The following PRR14L variants were observed in gnomAD, a reference collection of about 807,000 sequenced individuals.
PRR14L encodes protein PRR14L.
In PRR14L, 80 loss-of-function variants were observed where a neutral mutation model predicts 155.0. That is an observed-to-expected ratio of 0.52 (90% confidence interval 0.43 to 0.62). PRR14L has a LOEUF of 0.62. Ranked by LOEUF, PRR14L falls within the 20% of genes least tolerant of loss-of-function variation. The pLI is 0.00. For synonymous variants in PRR14L, 883 were observed against 916.0 expected, an observed-to-expected ratio of 0.96 and a Z score of 0.65; for missense variants, 2,469 against 2,548.0, an observed-to-expected ratio of 0.97 and a Z score of 0.67.
rs11300993 is a variant in PRR14L at position 31,710,459 on chromosome 22, CTTTTTT to C, written c.5756+1618_5756+1623del. Reference sequence around the variant, plus strand: ...TGTGTATAGCAGCTCTTTAGGGATTCTTTTTTTTTTTGAGACAGAGTCTCACTCTGT... The same window carrying C: ...TGTGTATAGCAGCTCTTTAGGGATTCTTTTTGAGACAGAGTCTCACTCTGT... On this transcript the variant is annotated intron_variant, in intron 4 of 8. Coordinates refer to ENST00000327423, the MANE Select transcript of PRR14L (RefSeq NM_173566.3). 3.4e-5 allele frequency among the ~76,000 whole-genome samples: 5 copies of C among 145,920 alleles called. No homozygotes were observed. In the Admixed American group the frequency reaches 3.4e-4, roughly 10 times the overall value.
intron 7 of PRR14L, among the ~76,000 whole-genome samples, chr22:31,690,300 C>A (rs529049054): frequency 6.6e-6 from 1 of 152,122 alleles, no homozygotes; most frequent in Non-Finnish European, 1.5e-5. Context: ...CCACCCACCT[C>A]GGCCTCTGAA....
rs1313100759 is a variant in PRR14L, at chr22:31,682,072, A to T, written c.*3455T>A. On this transcript the variant is annotated 3_prime_UTR_variant, in exon 9 of 9. Coordinates refer to ENST00000327423, the MANE Select transcript of PRR14L (RefSeq NM_173566.3). Reference sequence around the variant, plus strand: ...GATCTTAATGTACATGGCATTGATTATGAGACGGAATTCCAGCCTGGAGAC... The same window carrying T: ...GATCTTAATGTACATGGCATTGATTTTGAGACGGAATTCCAGCCTGGAGAC... 1 of 152,244 alleles carries T rather than the reference A, an allele frequency of 6.6e-6. No individual in the cohort carries two copies. Among genetic ancestry groups the T allele is most frequent in the Admixed American group, 6.5e-5 (1 of 15,284 alleles). 9.4% of individuals were successfully genotyped at this position (152,244 alleles called of 1,614,324 possible). A position where few individuals can be genotyped will look rare whatever the true frequency, so the allele number is the denominator to read the frequency against.
intron 1 of PRR14L, among the ~76,000 whole-genome samples, chr22:31,741,782 G>T (rs534852890): frequency 6.6e-6 from 1 of 152,028 alleles, no homozygotes; most frequent in South Asian, 2.1e-4. Context: ...TGAGGCAGAA[G>T]AATTGCTTGA....
rs1401166871 is a variant in PRR14L, at chr22:31,703,587, C to A, written c.5963G>T (p.Cys1988Phe). 1 of 1,613,846 alleles carries A rather than the reference C, an allele frequency of 6.2e-7. No individual in the cohort carries two copies. The highest frequency in any genetic ancestry group is 1.3e-5 in the African/African-American group (1 of 74,896). The change falls in exon 6 of 9, where the codon TGC becomes TTC. Residue 1988 changes from cysteine (C) to phenylalanine (F), a missense_variant. By Grantham distance (205) the Cys-to-Phe change is radical (BLOSUM62 -2). Around this residue, in one of 2 missense-constraint regions of PRR14L, gnomAD observed 2,363 missense variants for 2,371.6 expected, o/e 1.00. Coordinates refer to ENST00000327423, the MANE Select transcript of PRR14L (RefSeq NM_173566.3). ...LDELDGVKAACPCPQSSPPEQ... is the reference protein window; with the variant it reads ...LDELDGVKAAFPCPQSSPPEQ... ...TGGGGGGCTGCTCTGTGGGCAGGGGCATGCTGCTTTCACACCATCCAGCTC... is the reference window on the plus strand; with the variant it reads ...TGGGGGGCTGCTCTGTGGGCAGGGGAATGCTGCTTTCACACCATCCAGCTC...
intron 1 of PRR14L, among the ~76,000 whole-genome samples, chr22:31,745,861 A>T (rs747666): frequency 0.42 from 55,080 of 131,282 alleles, 12,882 homozygotes; most frequent in African/African-American, 0.63. Flanking sequence ...AAAAAAAAAA[A>T]ATATATATAT....
chr22:31,728,636 CT>C (rs2074730901), intron 2 of PRR14L, among the ~76,000 whole-genome samples: 1 of 145,522 alleles, frequency 6.9e-6, no homozygotes, highest in Non-Finnish European at 1.5e-5. Context: ...GTATACTACG[CT>C]TTTGTATGTT....
chr22:31,732,199 C>T (rs1333984896), intron 2 of PRR14L, among the ~76,000 whole-genome samples: 2 of 152,172 alleles, frequency 1.3e-5, no homozygotes, highest in African/African-American at 4.8e-5. Flanking sequence ...ATGGAAAGGA[C>T]AACACTATAG....
At chr22:31,728,362 C>T (rs899337073) in intron 2 of PRR14L, among the ~76,000 whole-genome samples, 22 of 152,130 alleles carry the variant, frequency 1.4e-4, no homozygotes, top group African/African-American at 4.8e-4. Context: ...CCTGTAATCC[C>T]AGCACTTTGG....
At chr22:31,709,307 C>T (rs1054693475) in intron 4 of PRR14L, among the ~76,000 whole-genome samples, 12 of 149,700 alleles carry the variant, frequency 8.0e-5, no homozygotes, top group Non-Finnish European at 1.5e-4. Context: ...GGCTAGAGTG[C>T]GATGGCACGA....
Position 31,729,314 on chromosome 22 carries a change from C to T in PRR14L, c.475-3704G>A, listed in dbSNP as rs112033660. Among the ~76,000 whole-genome samples the T allele has an allele frequency of 8.7e-3, 1,318 of 152,318 alleles. 18 individuals carry two copies. Among genetic ancestry groups the T allele is most frequent in the African/African-American group, 0.029 (1,205 of 41,572 alleles). Reference sequence around the variant, plus strand: ...GCAAGCTCCACATCCCGGGTTCACGCCATTCTCCTGCCTCAGCCTCCGGAG... The same window carrying T: ...GCAAGCTCCACATCCCGGGTTCACGTCATTCTCCTGCCTCAGCCTCCGGAG... On this transcript the variant is annotated intron_variant, in intron 2 of 8. Transcript: ENST00000327423.
Position 31,704,703 on chromosome 22 carries a change from G to A in PRR14L, c.5780C>T (p.Pro1927Leu). The change falls in exon 5 of 9, where the codon CCT becomes CTT. Residue 1927 changes from proline to leucine, a missense_variant. Pro to Leu is a moderately conservative substitution (Grantham distance 98). Around this residue, in one of 2 missense-constraint regions of PRR14L, gnomAD observed 2,363 missense variants for 2,371.6 expected, o/e 1.00. Transcript: ENST00000327423. ...ATATGTAGCTTCCATGCCTGGAAGA[G>A]GCACATATGGTAACATGGTGTGGCT... ...TSSHTMLPYV[P>L]LPGMEATYNT... 6.2e-7 allele frequency: 1 copy of A among 1,613,998 alleles called. No individual in the cohort carries two copies. The highest frequency in any genetic ancestry group is 8.5e-7 in the Non-Finnish European group (1 of 1,179,924).
intron 7 of PRR14L, among the ~76,000 whole-genome samples, chr22:31,692,112 C>T (rs766554301): frequency 6.6e-6 from 1 of 152,168 alleles, no homozygotes; most frequent in Non-Finnish European, 1.5e-5. Context: ...AGATGGTCTG[C>T]CCACCTCGGC....
chr22:31,690,792 C>A (rs1020511666), intron 7 of PRR14L, among the ~76,000 whole-genome samples: 1 of 151,686 alleles, frequency 6.6e-6, no homozygotes, highest in Non-Finnish European at 1.5e-5. Context: ...CAGGCATGCA[C>A]CACCATGCCC....
Position 31,714,508 on chromosome 22 carries a change from G to A in PRR14L, c.3331C>T (p.Gln1111Ter). The A allele has an allele frequency of 6.4e-7, 1 of 1,552,086 alleles. No individual in the cohort carries two copies. Among genetic ancestry groups the A allele is most frequent in the South Asian group, 1.2e-5 (1 of 84,038 alleles). Reference sequence around the variant, plus strand: ...GCAGTAACTGGGAAATCTGAATCCTGACCAGTTGTTCCTGTATGTGCAGCA... The same window carrying A: ...GCAGTAACTGGGAAATCTGAATCCTAACCAGTTGTTCCTGTATGTGCAGCA... ...LDAAHTGTTG[Q>*]DSDFPVTAAS... The change falls in exon 4 of 9, where the codon CAG (glutamine) becomes TAG (stop). Residue 1111 changes from glutamine to a stop codon, truncating the protein, a stop_gained. Transcript: ENST00000327423. LOFTEE classifies it high-confidence loss of function.
At chr22:31,743,775 C>T (rs899671159) in intron 1 of PRR14L, among the ~76,000 whole-genome samples, 1 of 150,952 alleles carries the variant, frequency 6.6e-6, no homozygotes, top group Admixed American at 6.6e-5. Flanking sequence ...GCACTCCAGA[C>T]TGGGTGACAC....
At chr22:31,725,887 T>C (rs1481372501) in intron 2 of PRR14L, among the ~76,000 whole-genome samples, 1 of 152,006 alleles carries the variant, frequency 6.6e-6, no homozygotes, top group Non-Finnish European at 1.5e-5. Context: ...CAGGCTGGTC[T>C]TGAACTCCTG....
intron 2 of PRR14L, among the ~76,000 whole-genome samples, chr22:31,732,239 A>G (rs966833376): frequency 2.6e-5 from 4 of 152,172 alleles, no homozygotes; most frequent in Non-Finnish European, 2.9e-5. Context: ...ACTTAACAGC[A>G]TATCTTAGTT....
In PRR14L at chr22:31,715,087, T is replaced by C; in HGVS notation, c.2752A>G (p.Lys918Glu). 6.4e-7 allele frequency: 1 copy of C among 1,551,788 alleles called. No individual in the cohort carries two copies. Among genetic ancestry groups the C allele is most frequent in the Non-Finnish European group, 8.7e-7 (1 of 1,146,938 alleles). Residue 918 changes from lysine to glutamate, a missense_variant, in exon 4 of 9, where the codon AAG becomes GAG. Physicochemically the swap from Lys to Glu is moderately conservative, Grantham distance 56. Transcript: ENST00000327423. ...QDVSKETVFC[K>E]YNISDHAIQE... is the part of the protein sequence containing the mutation. ...ATAGCATGATCAGAGATGTTATACT[T>C]ACAAAATACAGTTTCTTTGGATACA...
chr22:31,738,158 C>T (rs2074792342), intron 2 of PRR14L, among the ~76,000 whole-genome samples: 1 of 152,174 alleles, frequency 6.6e-6, no homozygotes. Flanking sequence ...ATTTCATATA[C>T]AGTCGCTGCT....
Sources: allele counts gnomAD v4.1 joint callset (sites outside exome capture counted in the v4.1 genomes callset), GRCh38; gene constraint gnomAD v4.1.1; regional missense constraint gnomAD v4.1.1; transcripts MANE v1.5; gene names NCBI Gene and HGNC (gene_info 2026-07-23, HGNC 2026-07-21).